The following DEUP1 variants were observed in gnomAD, a reference collection of about 807,000 sequenced individuals.
The protein encoded by DEUP1 is deuterosome assembly protein 1.
Under a neutral mutation model 87.4 loss-of-function variants are expected in DEUP1, and 82 were observed. The observed-to-expected ratio is 0.94, with a 90% CI of 0.78 to 1.13. The LOEUF (loss-of-function observed/expected upper bound fraction) is 1.13. Ranked by LOEUF, DEUP1 falls within the 50% of genes most tolerant of loss-of-function variation. The pLI is 0.00. For synonymous variants in DEUP1, 214 were observed against 222.7 expected, an observed-to-expected ratio of 0.96 and a Z score of 0.35; for missense variants, 663 against 681.5, an observed-to-expected ratio of 0.97 and a Z score of 0.30.
chr11:93,437,501 G>A, intron 13 of DEUP1, 42 bp from the exon 14 acceptor site: 1 of 1,496,166 alleles, frequency 6.7e-7, no homozygotes, highest in Non-Finnish European at 9.1e-7. Flanking sequence ...ATTTTTTAAA[G>A]CTCTGTATTC....
At chr11:93,399,289 A>G (rs1258561818) in intron 11 of DEUP1, among the ~76,000 whole-genome samples, 1 of 151,928 alleles carries the variant, frequency 6.6e-6, no homozygotes, top group Non-Finnish European at 1.5e-5. Flanking sequence ...ATAAAATGGA[A>G]ACCAAATTTA....
At chr11:93,350,841 A>G (rs539468104) in intron 2 of DEUP1, among the ~76,000 whole-genome samples, 1 of 151,958 alleles carries the variant, frequency 6.6e-6, no homozygotes, top group East Asian at 1.9e-4. Flanking sequence ...CTGTAGTCCC[A>G]GCTACTCGGG....
chr11:93,395,144 A>C (rs576699380), intron 10 of DEUP1, among the ~76,000 whole-genome samples: 6 of 152,316 alleles, frequency 3.9e-5, no homozygotes, highest in African/African-American at 1.2e-4. Flanking sequence ...AATGCACAGC[A>C]TGGTACGTGA....
chr11:93,375,276 C>A (rs1376537182), intron 7 of DEUP1, among the ~76,000 whole-genome samples: 1 of 151,890 alleles, frequency 6.6e-6, no homozygotes, highest in Non-Finnish European at 1.5e-5. Context: ...ATTTGGATGC[C>A]CTTTATTTCT....
intron 4 of DEUP1, among the ~76,000 whole-genome samples, chr11:93,362,461 C>G (rs1945220443): frequency 6.6e-6 from 1 of 151,762 alleles, no homozygotes; most frequent in African/African-American, 2.4e-5. Flanking sequence ...ATAAAAAATG[C>G]TTAACATCAT....
At chr11:93,376,347 G>A (rs896924821) in intron 7 of DEUP1, among the ~76,000 whole-genome samples, 1 of 152,090 alleles carries the variant, frequency 6.6e-6, no homozygotes, top group African/African-American at 2.4e-5. Flanking sequence ...GGTTTACTCT[G>A]GGAGGGTTGT....
intron 4 of DEUP1, 44 bp downstream of exon 4, chr11:93,357,087 T>C (rs1944930683): frequency 1.0e-6 from 1 of 972,558 alleles, no homozygotes; most frequent in Admixed American, 3.2e-5. Context: ...TTTTGATATA[T>C]TTTTTTTTAC....
At chr11:93,334,221 A>G (rs1163287800) in intron 2 of DEUP1, among the ~76,000 whole-genome samples, 2 of 152,218 alleles carry the variant, frequency 1.3e-5, no homozygotes, top group African/African-American at 4.8e-5. Flanking sequence ...ATTGAGAGTT[A>G]TGTATAAATC....
intron 2 of DEUP1, among the ~76,000 whole-genome samples, chr11:93,344,859 T>A (rs1052644601): frequency 6.6e-6 from 1 of 151,694 alleles, no homozygotes; most frequent in Non-Finnish European, 1.5e-5. Context: ...TTTTTTTTTT[T>A]AACTTTTTTT....
intron 9 of DEUP1, among the ~76,000 whole-genome samples, chr11:93,394,250 T>G (rs1178745861): frequency 6.6e-6 from 1 of 151,994 alleles, no homozygotes; most frequent in Non-Finnish European, 1.5e-5. Context: ...AAAATAGAAG[T>G]GAGAAATGAA....
At position 93,373,491 on chromosome 11, in the gene DEUP1, C is replaced by T. The variant is rs1047337130; in HGVS notation, c.789+2211C>T. 2.0e-5 allele frequency among the ~76,000 whole-genome samples: 3 copies of T among 151,328 alleles called. No individual in the cohort carries two copies. The East Asian group carries it at 5.8e-4, about 29-fold the overall frequency. ...CGTTTTCCATTCCTGAGTTACTTCACTTAGAATAATGGTCTTTAATTCCAT... is the reference window on the plus strand; with the variant it reads ...CGTTTTCCATTCCTGAGTTACTTCATTTAGAATAATGGTCTTTAATTCCAT... On this transcript the variant is annotated intron_variant, in intron 7 of 13. Transcript: ENST00000298050.
At chr11:93,426,994 T>TAAAAAAAAAAAA (rs1157644297) in intron 13 of DEUP1, among the ~76,000 whole-genome samples, 1 of 2,912 alleles carries the variant, frequency 3.4e-4, no homozygotes, top group Non-Finnish European at 5.5e-4. Flanking sequence ...TAGAGTATAA[T>TAAAAAAAAAAAA]AAAAAAAAAA....
chr11:93,419,815 G>A (rs750524783), intron 13 of DEUP1, among the ~76,000 whole-genome samples: 5 of 148,686 alleles, frequency 3.4e-5, no homozygotes, highest in Non-Finnish European at 5.9e-5. Flanking sequence ...TCCATTTTCT[G>A]GGAAAAAAAT....
At chr11:93,383,892 C>G (rs1333025268) in intron 7 of DEUP1, among the ~76,000 whole-genome samples, 2 of 152,092 alleles carry the variant, frequency 1.3e-5, no homozygotes, top group Non-Finnish European at 2.9e-5. Flanking sequence ...TCTGGATTTT[C>G]CTCTTCCAAA....
At chr11:93,429,461 C>G (rs1331438923) in intron 13 of DEUP1, among the ~76,000 whole-genome samples, 5 of 152,142 alleles carry the variant, frequency 3.3e-5, no homozygotes, top group African/African-American at 9.7e-5. Flanking sequence ...GCTAAATACT[C>G]CACTGTGCTA....
chr11:93,390,926 A>G (rs1407493757), intron 9 of DEUP1, among the ~76,000 whole-genome samples: 1 of 152,100 alleles, frequency 6.6e-6, no homozygotes. Context: ...TACTAAAAAT[A>G]CAAAAATTAG....
chr11:93,330,387 G>A (rs1049455931), upstream of DEUP1: 2 of 152,526 alleles, frequency 1.3e-5, no homozygotes, highest in African/African-American at 2.4e-5. Context: ...GGGGTAGGCA[G>A]TGGGACTACA....
intron 5 of DEUP1, among the ~76,000 whole-genome samples, chr11:93,368,522 C>A (rs959277785): frequency 2.0e-5 from 3 of 152,258 alleles, no homozygotes; most frequent in South Asian, 2.1e-4. Context: ...CAAGGCATGT[C>A]TTCACGTGGC....
chr11:93,334,441 T>C (rs1004983051), intron 2 of DEUP1, among the ~76,000 whole-genome samples: 1 of 152,160 alleles, frequency 6.6e-6, no homozygotes, highest in African/African-American at 2.4e-5. Context: ...GCTTATACCA[T>C]AGTGGAAGAG....
Sources: allele counts gnomAD v4.1 joint callset (sites outside exome capture counted in the v4.1 genomes callset), GRCh38; gene constraint gnomAD v4.1.1; transcripts MANE v1.5; gene names NCBI Gene and HGNC (gene_info 2026-07-23, HGNC 2026-07-21).